Variants in ZDHHC20 observed in about 807,000 individuals in gnomAD.
The protein encoded by ZDHHC20 is palmitoyltransferase ZDHHC20.
A neutral mutation model predicts 57.8 loss-of-function variants in ZDHHC20; 43 were observed. The observed-to-expected ratio is 0.74, with a 90% CI of 0.58 to 0.96. The LOEUF is 0.96. ZDHHC20 is among the 40% of genes least tolerant of loss of function. The probability of loss-of-function intolerance (pLI) is 0.00; values close to 1 mark genes in which losing one functional copy is unlikely to be tolerated. For missense variants in ZDHHC20, 391 were observed against 441.1 expected (o/e 0.89, Z 1.02); for synonymous variants, 157 against 153.0 (o/e 1.03, Z -0.19).
At chr13:21,458,938 G>T in intron 1 of ZDHHC20, 116 bp downstream of exon 1, 1 of 725,058 alleles carries the variant, frequency 1.4e-6, no homozygotes, top group Non-Finnish European at 2.1e-6. Context: ...GTTCGGGGCC[G>T]GACGCCCGGC....
At chr13:21,379,260 T>TA (rs1367019418) in intron 11 of ZDHHC20, among the ~76,000 whole-genome samples, 4 of 151,922 alleles carry the variant, frequency 2.6e-5, no homozygotes, top group Non-Finnish European at 5.9e-5. Flanking sequence ...CAAATGGAGC[T>TA]AAATGTCCAG....
intron 1 of ZDHHC20, among the ~76,000 whole-genome samples, chr13:21,432,953 C>T (rs1882143031): frequency 6.6e-6 from 1 of 152,168 alleles, no homozygotes; most frequent in South Asian, 2.1e-4. Context: ...GGGTTTATTT[C>T]TGAACTCTAT....
In ZDHHC20 at chr13:21,375,004, T is replaced by G. The variant is rs1234280726; in HGVS notation, c.*1692A>C. 3 of 391,148 alleles carry G rather than the reference T, an allele frequency of 7.7e-6. No homozygotes were observed. Among genetic ancestry groups the G allele is most frequent in the Non-Finnish European group, 1.0e-5 (2 of 200,620 alleles). 24.2% of individuals were successfully genotyped at this position (391,148 alleles called of 1,614,324 possible). ...TGAAAATTAGCCGGGCATGGTGGCA[T>G]GAGCCTGTAATCCCAGCTACTTGGG... On this transcript the variant is annotated 3_prime_UTR_variant, in exon 13 of 13. Coordinates refer to ENST00000400590, the MANE Select transcript of ZDHHC20 (RefSeq NM_001330059.2).
chr13:21,420,056 G>A (rs1289353154), intron 3 of ZDHHC20, among the ~76,000 whole-genome samples: 1 of 152,196 alleles, frequency 6.6e-6, no homozygotes, highest in African/African-American at 2.4e-5. Flanking sequence ...GGAGGCTGAG[G>A]CGGGTGGATC....
intron 6 of ZDHHC20, 25 bp from the exon 7 acceptor site, chr13:21,400,518 T>C: frequency 2.0e-6 from 3 of 1,527,508 alleles, no homozygotes; most frequent in Non-Finnish European, 2.6e-6. Context: ...AAAGCCACAT[T>C]ATAAAAGTAA....
At chr13:21,458,981 T>G in intron 1 of ZDHHC20, 73 bp downstream of exon 1, 1 of 1,151,152 alleles carries the variant, frequency 8.7e-7, no homozygotes, top group Non-Finnish European at 1.2e-6. Flanking sequence ...GCGGCGGGTG[T>G]GGGGCGCAGA....
chr13:21,402,741 T>C (rs1174283556), intron 5 of ZDHHC20, 56 bp downstream of exon 5: 1 of 1,425,720 alleles, frequency 7.0e-7, no homozygotes, highest in African/African-American at 1.4e-5. Context: ...CCCTTGCACT[T>C]TCCCATCACT....
At position 21,459,112 on chromosome 13, in the gene ZDHHC20, G is replaced by A; in HGVS notation, c.60C>T (p.Leu20=). The A allele has an allele frequency of 1.2e-6, 2 of 1,607,936 alleles. No individual in the cohort carries two copies. Among genetic ancestry groups the A allele is most frequent in the Non-Finnish European group, 8.5e-7 (1 of 1,177,698 alleles). ...CQRVVGWVPV[L]FITFVVVWSY... ...ACCAGACGACCACGAAGGTGATGAA[G>A]AGCACCGGCACCCAGCCCACGACGC... Residue 20 remains leucine (L), a synonymous_variant, in exon 1 of 13, where the codon CTC becomes CTT. Transcript: ENST00000400590.
In ZDHHC20 at chr13:21,428,422, T is replaced by C. The variant is rs140411571; in HGVS notation, c.119-2744A>G. On this transcript the variant is annotated intron_variant, in intron 1 of 12. Transcript: ENST00000400590. ...TTTTAGTAGAGACGGGGTTTCACCA[T>C]GTTGGCCAGAATGGTCTTGATCTCC... Among the ~76,000 whole-genome samples the C allele has an allele frequency of 8.7e-4, 131 of 150,720 alleles. 6 individuals are homozygous for C. The East Asian group carries it at 0.02, about 23-fold the overall frequency.
intron 1 of ZDHHC20, among the ~76,000 whole-genome samples, chr13:21,451,352 C>A (rs988976167): frequency 1.3e-5 from 2 of 152,080 alleles, no homozygotes; most frequent in African/African-American, 4.8e-5. Flanking sequence ...GAGTATGATT[C>A]AATTCAATTC....
intron 1 of ZDHHC20, among the ~76,000 whole-genome samples, chr13:21,431,883 C>G (rs908344802): frequency 6.6e-6 from 1 of 152,182 alleles, no homozygotes; most frequent in African/African-American, 2.4e-5. Flanking sequence ...AATATTTTCT[C>G]CTAGGCCATA....
intron 7 of ZDHHC20, among the ~76,000 whole-genome samples, chr13:21,392,277 C>T (rs1347439604): frequency 6.6e-6 from 1 of 151,862 alleles, no homozygotes; most frequent in African/African-American, 2.4e-5. Context: ...CTCTTCTACC[C>T]AACAAATTTT....
intron 1 of ZDHHC20, among the ~76,000 whole-genome samples, chr13:21,449,651 T>C (rs1293104818): frequency 3.3e-5 from 5 of 151,624 alleles, no homozygotes; most frequent in Non-Finnish European, 7.4e-5. Context: ...ATTATACTTT[T>C]TTTTTTTTTT....
chr13:21,403,530 G>A (rs1190626107), intron 4 of ZDHHC20, among the ~76,000 whole-genome samples: 1 of 152,014 alleles, frequency 6.6e-6, no homozygotes, highest in Non-Finnish European at 1.5e-5. Context: ...TAATAAACAA[G>A]TTAACAAAAT....
chr13:21,412,248 A>G (rs75015423), intron 4 of ZDHHC20, among the ~76,000 whole-genome samples: 5,254 of 152,326 alleles, frequency 0.034, 282 homozygotes, highest in African/African-American at 0.12. Context: ...GAATGCCAGT[A>G]TGTTAACATC....
In ZDHHC20 at chr13:21,432,205, G is replaced by A. The variant is rs140961542; in HGVS notation, c.119-6527C>T. ...TTTTCAGACAGAATCTCGCTCTGTC[G>A]CCCAGGCTGGAGTGCAGTGGTGCGA... On this transcript the variant is annotated intron_variant, in intron 1 of 12. Coordinates refer to ENST00000400590, the MANE Select transcript of ZDHHC20 (RefSeq NM_001330059.2). Among the ~76,000 whole-genome samples, 1,418 of 151,732 alleles carry A rather than the reference G, an allele frequency of 9.3e-3. 15 individuals are homozygous for A. Among genetic ancestry groups the A allele is most frequent in the Middle Eastern group, 0.024 (7 of 292 alleles).
chr13:21,426,607 CT>C (rs778269073), intron 1 of ZDHHC20, among the ~76,000 whole-genome samples: 202 of 135,294 alleles, frequency 1.5e-3, no homozygotes, highest in Admixed American at 3.0e-3. Flanking sequence ...TTCTCCTTTT[CT>C]TTTTTTTTTT....
chr13:21,425,640 A>G lies in ZDHHC20; in HGVS notation c.145+12T>C. On this transcript the variant is annotated intron_variant, in intron 2 of 12. Transcript: ENST00000400590. ...AAGCATTTAACTTAAATTGAAACTAAAAGTGCCTTACCATTTTCTTCATTT... is the reference window on the plus strand; with the variant it reads ...AAGCATTTAACTTAAATTGAAACTAGAAGTGCCTTACCATTTTCTTCATTT... 8.3e-7 allele frequency: 1 copy of G among 1,201,062 alleles called. No individual in the cohort carries two copies. The highest frequency in any genetic ancestry group is 1.1e-6 in the Non-Finnish European group (1 of 894,532). The allele number at this position is 1,201,062 out of a possible 1,614,324, so 74.4% of individuals were successfully genotyped here.
intron 11 of ZDHHC20, among the ~76,000 whole-genome samples, chr13:21,379,587 C>G (rs553985319): frequency 1.3e-5 from 2 of 151,786 alleles, no homozygotes; most frequent in South Asian, 2.1e-4. Flanking sequence ...TGACCCAAAA[C>G]CACTTTTCTA....
Sources: gnomAD v4.1 joint callset for allele counts (sites outside exome capture counted in the v4.1 genomes callset) on GRCh38, gnomAD v4.1.1 for gene constraint, MANE v1.5 for transcripts, NCBI Gene and HGNC (gene_info 2026-07-23, HGNC 2026-07-21) for gene names.